ARMH3: variants seen among roughly 807,000 people sequenced by gnomAD.
ARMH3 encodes the protein armadillo like helical domain containing 3.
ARMH3 carries 60 observed loss-of-function variants against 99.1 expected under a neutral mutation model. The observed-to-expected ratio is 0.61, with a 90% CI of 0.49 to 0.75. The LOEUF (loss-of-function observed/expected upper bound fraction) is 0.75. Among genes scored for constraint, ARMH3 ranks in the 30% least tolerant of loss-of-function variants. The pLI is 0.00. For missense variants in ARMH3, 679 were observed against 843.1 expected (o/e 0.81, Z 2.41); for synonymous variants, 285 against 292.8 (o/e 0.97, Z 0.27).
intron 23 of ARMH3, among the ~76,000 whole-genome samples, chr10:101,895,637 T>A (rs1314623622): frequency 6.6e-6 from 1 of 152,168 alleles, no homozygotes; most frequent in Non-Finnish European, 1.5e-5. Flanking sequence ...AGGCAGTGAT[T>A]TCTTAGATAA....
At chr10:101,922,546 G>A (rs904960302) in intron 23 of ARMH3, among the ~76,000 whole-genome samples, 10 of 152,074 alleles carry the variant, frequency 6.6e-5, no homozygotes, top group East Asian at 3.8e-4. Flanking sequence ...TACAGCCACC[G>A]TGCCCAGCCC....
At chr10:102,033,670 A>G (rs61873640) in intron 2 of ARMH3, among the ~76,000 whole-genome samples, 17,966 of 152,200 alleles carry the variant, frequency 0.12, 1,144 homozygotes, top group African/African-American at 0.14. Context: ...CGCCCGCCTC[A>G]GACTCCCAAA....
chr10:101,890,439 C>T (rs1007265042), intron 23 of ARMH3, among the ~76,000 whole-genome samples: 12 of 151,954 alleles, frequency 7.9e-5, no homozygotes, highest in Non-Finnish European at 1.6e-4. Flanking sequence ...GGTAGAAACA[C>T]GGTTTTGCCA....
intron 15 of ARMH3, among the ~76,000 whole-genome samples, chr10:102,000,785 TAAA>T (rs1297666445): frequency 6.6e-6 from 1 of 150,652 alleles, no homozygotes; most frequent in African/African-American, 2.4e-5. Context: ...AACAGAAAAA[TAAA>T]AAGTTCTAGA....
intron 23 of ARMH3, among the ~76,000 whole-genome samples, chr10:101,916,125 A>T (rs1350274217): frequency 6.6e-6 from 1 of 152,116 alleles, no homozygotes; most frequent in African/African-American, 2.4e-5. Context: ...TATAATACAC[A>T]GTTCAACAGT....
intron 14 of ARMH3, among the ~76,000 whole-genome samples, chr10:102,003,922 C>G (rs1450405359): frequency 6.6e-6 from 1 of 152,092 alleles, no homozygotes; most frequent in Non-Finnish European, 1.5e-5. Context: ...GGGTTAATGA[C>G]CCAAGACTGT....
At chr10:101,890,532 G>A (rs926236853) in intron 23 of ARMH3, among the ~76,000 whole-genome samples, 3 of 152,200 alleles carry the variant, frequency 2.0e-5, no homozygotes, top group Non-Finnish European at 4.4e-5. Flanking sequence ...ATGAGCCACA[G>A]CGGCTGGCCA....
chr10:101,999,706 T>C (rs2066304617), intron 15 of ARMH3, among the ~76,000 whole-genome samples: 1 of 152,230 alleles, frequency 6.6e-6, no homozygotes, highest in Non-Finnish European at 1.5e-5. Flanking sequence ...TCTGGATATC[T>C]AGGAAAATGT....
At chr10:101,952,825 CTT>C (rs1191869968) in intron 22 of ARMH3, 2 of 152,218 alleles carry the variant, frequency 1.3e-5, no homozygotes, top group African/African-American at 2.4e-5. Context: ...AAGCAACTCT[CTT>C]TGTCTCCTCC....
In ARMH3 at chr10:102,036,888, A is replaced by C. The variant is rs141703631; in HGVS notation, c.102+3125T>G. ...CAATAAAAAAAAAAAAAAAAGAAAG[A>C]AAACAAAACAAAAATTAGCCAGGCA... is the stretch of plus-strand genomic sequence containing the variant. On this transcript the variant is annotated intron_variant, in intron 2 of 25. Transcript: ENST00000370033. Among the ~76,000 whole-genome samples, 90 of 150,766 alleles carry C rather than the reference A, an allele frequency of 6.0e-4. 1 individual carries two copies. The East Asian group carries it at 0.018, about 29-fold the overall frequency.
intron 13 of ARMH3, among the ~76,000 whole-genome samples, chr10:102,006,856 C>T (rs2066503085): frequency 6.6e-6 from 1 of 151,896 alleles, no homozygotes; most frequent in Non-Finnish European, 1.5e-5. Flanking sequence ...CCACTGTGCC[C>T]CTAGTCTCAT....
intron 24 of ARMH3, among the ~76,000 whole-genome samples, chr10:101,888,788 T>C (rs2067616201): frequency 1.3e-5 from 2 of 152,370 alleles, no homozygotes; most frequent in African/African-American, 4.8e-5. Flanking sequence ...TTCAATCCCA[T>C]GCCACGCTAA....
At chr10:102,021,900 G>C (rs942363461) in intron 8 of ARMH3, among the ~76,000 whole-genome samples, 19 of 151,742 alleles carry the variant, frequency 1.3e-4, no homozygotes, top group African/African-American at 4.6e-4. Flanking sequence ...ATTTGAGTAA[G>C]ACTGGTCTCA....
At chr10:102,010,592 G>A (rs11191182) in intron 11 of ARMH3, among the ~76,000 whole-genome samples, 2 of 152,232 alleles carry the variant, frequency 1.3e-5, no homozygotes, top group East Asian at 3.9e-4. Flanking sequence ...AATGGAGTAG[G>A]CTGCCTCTAA....
At chr10:101,985,150 TATA>T (rs1327940105) in intron 19 of ARMH3, among the ~76,000 whole-genome samples, 1 of 149,768 alleles carries the variant, frequency 6.7e-6, no homozygotes, top group Non-Finnish European at 1.5e-5. Context: ...CATATATAAA[TATA>T]ATGTATATAT....
At chr10:101,888,681 G>A (rs1008266100) in intron 24 of ARMH3, among the ~76,000 whole-genome samples, 2 of 152,186 alleles carry the variant, frequency 1.3e-5, no homozygotes, top group Non-Finnish European at 2.9e-5. Context: ...CCTCCAATTT[G>A]GGAGTAGGAT....
At chr10:101,983,193 G>A (rs1000576223) in intron 19 of ARMH3, among the ~76,000 whole-genome samples, 4 of 152,246 alleles carry the variant, frequency 2.6e-5, no homozygotes, top group African/African-American at 9.6e-5. Flanking sequence ...CATGATTAGC[G>A]AGCTGGGCTT....
chr10:101,991,906 A>G, intron 18 of ARMH3, 63 bp downstream of exon 18: 1 of 1,435,884 alleles, frequency 7.0e-7, no homozygotes, highest in East Asian at 2.3e-5. Context: ...TCTACTCTTC[A>G]TCTTCATCAT....
At chr10:102,012,951 C>T (rs2066664770) in intron 9 of ARMH3, 75 bp from the exon 10 acceptor site, 7 of 1,316,386 alleles carry the variant, frequency 5.3e-6, no homozygotes, top group Non-Finnish European at 7.4e-6. Flanking sequence ...AGAACAAGGT[C>T]AGAAAGAACA....
Sources: allele counts gnomAD v4.1 joint callset (sites outside exome capture counted in the v4.1 genomes callset), GRCh38; gene constraint gnomAD v4.1.1; transcripts MANE v1.5; gene names NCBI Gene and HGNC (gene_info 2026-07-23, HGNC 2026-07-21).